Variants in GNAQ observed in about 807,000 individuals in gnomAD.
The protein encoded by GNAQ is G protein subunit alpha q, also known as guanine nucleotide-binding protein G(q) subunit alpha.
In GNAQ, 8 loss-of-function variants were observed where a neutral mutation model predicts 43.9. The observed-to-expected ratio is 0.18, with a 90% CI of 0.11 to 0.33. The LOEUF (loss-of-function observed/expected upper bound fraction) is 0.33, where lower values mean the gene tolerates loss of function less well. Among genes scored for constraint, GNAQ ranks in the 10% least tolerant of loss-of-function variants. The probability of loss-of-function intolerance (pLI) is 1.00; values close to 1 mark genes in which losing one functional copy is unlikely to be tolerated. For synonymous variants in GNAQ, 155 were observed against 170.7 expected (o/e 0.91, Z 0.71); for missense variants, 158 against 450.8 (o/e 0.35, Z 5.88).
intron 5 of GNAQ, among the ~76,000 whole-genome samples, chr9:77,777,091 C>G (rs755632825): frequency 2.0e-5 from 3 of 152,040 alleles, no homozygotes; most frequent in Non-Finnish European, 2.9e-5. Context: ...TGTTCACGAT[C>G]ACCTGGTTTT....
intron 1 of GNAQ, among the ~76,000 whole-genome samples, chr9:77,962,693 C>T (rs1303748048): frequency 6.6e-6 from 1 of 151,846 alleles, no homozygotes; most frequent in Non-Finnish European, 1.5e-5. Flanking sequence ...AGTGTGAAGC[C>T]AGCCTGGCCA....
At chr9:78,008,795 T>C (rs567949389) in intron 1 of GNAQ, among the ~76,000 whole-genome samples, 63 of 152,272 alleles carry the variant, frequency 4.1e-4, no homozygotes, top group Non-Finnish European at 7.6e-4. Context: ...ATTTTTTGTA[T>C]TTCAGTAGAG....
chr9:77,924,685 T>C (rs1482805928), intron 1 of GNAQ, among the ~76,000 whole-genome samples: 1 of 152,106 alleles, frequency 6.6e-6, no homozygotes, highest in Non-Finnish European at 1.5e-5. Context: ...CTGGGCACTG[T>C]CCACACACTG....
intron 1 of GNAQ, among the ~76,000 whole-genome samples, chr9:77,976,629 A>T (rs1264269850): frequency 6.6e-6 from 1 of 152,158 alleles, no homozygotes; most frequent in Non-Finnish European, 1.5e-5. Context: ...TGACCTCGTG[A>T]TCCACCCACC....
chr9:77,933,159 A>C (rs1829176397), intron 1 of GNAQ, among the ~76,000 whole-genome samples: 1 of 152,200 alleles, frequency 6.6e-6, no homozygotes, highest in African/African-American at 2.4e-5. Context: ...AGAGGATGCG[A>C]TTTGTGTCCT....
chr9:78,018,518 T>C (rs375012001), intron 1 of GNAQ, among the ~76,000 whole-genome samples: 1 of 152,174 alleles, frequency 6.6e-6, no homozygotes, highest in East Asian at 1.9e-4. Flanking sequence ...TGTAATTAAA[T>C]AACAGAATGT....
intron 1 of GNAQ, among the ~76,000 whole-genome samples, chr9:78,012,397 TAG>T (rs1823784555): frequency 6.6e-6 from 1 of 151,946 alleles, no homozygotes; most frequent in African/African-American, 2.4e-5. Flanking sequence ...GCCATACAGA[TAG>T]AGTTTCACCA....
intron 2 of GNAQ, among the ~76,000 whole-genome samples, chr9:77,854,217 T>C (rs1827717013): frequency 6.6e-6 from 1 of 152,098 alleles, no homozygotes. Context: ...AGCCCAGAGA[T>C]GAATGTGTTT....
At chr9:77,968,661 T>C (rs534100241) in intron 1 of GNAQ, among the ~76,000 whole-genome samples, 2 of 152,368 alleles carry the variant, frequency 1.3e-5, no homozygotes, top group East Asian at 3.9e-4. Context: ...TTCTAATAGA[T>C]CTGGCCATCA....
At chr9:78,018,273 T>C (rs1823863694) in intron 1 of GNAQ, among the ~76,000 whole-genome samples, 1 of 152,000 alleles carries the variant, frequency 6.6e-6, no homozygotes, top group Admixed American at 6.6e-5. Context: ...CATAGCCACA[T>C]AAAAAATGCT....
chr9:77,913,713 C>T (rs2118227807), intron 2 of GNAQ, among the ~76,000 whole-genome samples: 1 of 152,204 alleles, frequency 6.6e-6, no homozygotes, highest in Non-Finnish European at 1.5e-5. Context: ...ATCTACGTTA[C>T]CAGAAGTCAG....
intron 2 of GNAQ, among the ~76,000 whole-genome samples, chr9:77,834,102 ATAAG>A (rs1827344668): frequency 1.3e-5 from 2 of 152,234 alleles, no homozygotes; most frequent in Admixed American, 6.5e-5. Context: ...AAAATAGGAA[ATAAG>A]TAATAATAAT....
At chr9:77,977,980 G>T (rs952254638) in intron 1 of GNAQ, among the ~76,000 whole-genome samples, 1 of 152,176 alleles carries the variant, frequency 6.6e-6, no homozygotes, top group African/African-American at 2.4e-5. Flanking sequence ...CATAGTATGC[G>T]TGGAAAATTA....
chr9:77,990,412 A>T (rs1413533889), intron 1 of GNAQ, among the ~76,000 whole-genome samples: 2 of 152,068 alleles, frequency 1.3e-5, no homozygotes, highest in African/African-American at 2.4e-5. Context: ...TTGTAGAGAC[A>T]AGTCTCACTA....
intron 2 of GNAQ, among the ~76,000 whole-genome samples, chr9:77,817,618 G>A (rs1483734482): frequency 6.6e-6 from 1 of 152,176 alleles, no homozygotes; most frequent in Admixed American, 6.5e-5. Context: ...CTAGCCATAA[G>A]CTGTATGATT....
intron 1 of GNAQ, among the ~76,000 whole-genome samples, chr9:77,924,612 T>C (rs946963261): frequency 2.6e-5 from 4 of 152,136 alleles, no homozygotes; most frequent in African/African-American, 9.7e-5. Context: ...TGTGTTTAAA[T>C]GAAATCACGT....
intron 1 of GNAQ, among the ~76,000 whole-genome samples, chr9:77,955,432 C>T (rs1195372565): frequency 3.9e-5 from 6 of 152,146 alleles, no homozygotes; most frequent in African/African-American, 9.7e-5. Context: ...TGAGCCACTG[C>T]GCCGAGCCAA....
chr9:78,012,376 T>C (rs541122747), intron 1 of GNAQ, among the ~76,000 whole-genome samples: 25 of 152,166 alleles, frequency 1.6e-4, no homozygotes, highest in Admixed American at 4.6e-4. Flanking sequence ...TAGCTGGGAT[T>C]ACAGGTGCGC....
At chr9:77,850,942 G>A (rs1037867646) in intron 2 of GNAQ, among the ~76,000 whole-genome samples, 4 of 152,008 alleles carry the variant, frequency 2.6e-5, no homozygotes, top group African/African-American at 9.7e-5. Flanking sequence ...AGCTCCTGGG[G>A]AACAAGGACC....
Sources: gnomAD v4.1 joint callset for allele counts (sites outside exome capture counted in the v4.1 genomes callset) on GRCh38, gnomAD v4.1.1 for gene constraint, MANE v1.5 for transcripts, NCBI Gene and HGNC (gene_info 2026-07-23, HGNC 2026-07-21) for gene names.